SMAD2: variants seen among roughly 807,000 people sequenced by gnomAD.
SMAD2 encodes SMAD family member 2.
A neutral mutation model predicts 64.4 loss-of-function variants in SMAD2; 8 were observed. The ratio of observed to expected loss-of-function variants is 0.12; its 90% CI spans 0.07 to 0.22. The LOEUF (loss-of-function observed/expected upper bound fraction) is 0.22. Among genes scored for constraint, SMAD2 ranks in the 10% least tolerant of loss-of-function variants. The pLI is 1.00. For missense variants in SMAD2, 289 were observed against 561.2 expected (o/e 0.51, Z 4.90); for synonymous variants, 203 against 195.8 (o/e 1.04, Z -0.31).
rs1915167330 is a variant in SMAD2, at chr18:47,850,396, T to TAA, written c.784+877_784+878insTT. ...TATTATATATATTATATAATATATATTATATATTATGTATAATATATATAA... is the reference window on the plus strand; with the variant it reads ...TATTATATATATTATATAATATATATAATATATATTATGTATAATATATATAA... On this transcript the variant is annotated intron_variant, in intron 7 of 10. Transcript: ENST00000262160. Among the ~76,000 whole-genome samples, 2 of 21,920 alleles carry TAA rather than the reference T, an allele frequency of 9.1e-5. 1 individual carries two copies. The highest frequency in any genetic ancestry group is 4.5e-4 in the African/African-American group (2 of 4,492). 14.4% of individuals were successfully genotyped at this position (21,920 alleles called of 152,430 possible). A position where few individuals can be genotyped will look rare whatever the true frequency, so the allele number is the denominator to read the frequency against.
chr18:47,882,642 T>G (rs895251536), intron 2 of SMAD2, among the ~76,000 whole-genome samples: 4 of 152,206 alleles, frequency 2.6e-5, no homozygotes, highest in Admixed American at 2.6e-4. Context: ...GGTTTCAGGG[T>G]TATGTGAGCC....
chr18:47,924,796 T>C (rs972451029), intron 1 of SMAD2, among the ~76,000 whole-genome samples: 5 of 152,204 alleles, frequency 3.3e-5, no homozygotes, highest in African/African-American at 9.6e-5. Context: ...AAAGACGTGA[T>C]GAGGATGGAA....
chr18:47,887,099 G>A (rs2032953679), intron 2 of SMAD2, among the ~76,000 whole-genome samples: 1 of 152,092 alleles, frequency 6.6e-6, no homozygotes, highest in South Asian at 2.1e-4. Flanking sequence ...TAGACTTAGT[G>A]AGCTCCCTTC....
At chr18:47,887,997 T>C (rs1481020246) in intron 2 of SMAD2, among the ~76,000 whole-genome samples, 1 of 152,366 alleles carries the variant, frequency 6.6e-6, no homozygotes, top group East Asian at 1.9e-4. Flanking sequence ...GTGTCTTTTC[T>C]GCATGTTCTG....
chr18:47,891,544 C>T (rs1288094279), intron 2 of SMAD2, among the ~76,000 whole-genome samples: 1 of 149,824 alleles, frequency 6.7e-6, no homozygotes, highest in African/African-American at 2.5e-5. Context: ...GGGACAGACT[C>T]TCACTATGTT....
At position 47,896,741 on chromosome 18, in the gene SMAD2, G is replaced by C. The variant is rs1170786282; in HGVS notation, c.16C>G (p.Pro6Ala). ...CTCTTCACAACTGGCGGCGTGAATGGCAAGATGGACGACATGTTCTTACCA... is the reference window on the plus strand; with the variant it reads ...CTCTTCACAACTGGCGGCGTGAATGCCAAGATGGACGACATGTTCTTACCA... MSSIL[P>A]FTPPVVKRLL... Residue 6 changes from proline (P) to alanine (A), a missense_variant, in exon 2 of 11, where the codon CCA (proline) becomes GCA (alanine). Transcript: ENST00000262160. 1.2e-6 allele frequency: 2 copies of C among 1,613,900 alleles called. No individual in the cohort carries two copies. The highest frequency in any genetic ancestry group is 4.5e-5 in the East Asian group (2 of 44,886).
chr18:47,870,887 G>A (rs918180899), intron 2 of SMAD2, among the ~76,000 whole-genome samples: 30 of 152,064 alleles, frequency 2.0e-4, no homozygotes, highest in Non-Finnish European at 4.3e-4. Flanking sequence ...TCTGCCATCA[G>A]CTTTACTAAG....
intron 5 of SMAD2, 178 bp downstream of exon 5, chr18:47,868,145 C>T (rs2031699714): frequency 3.3e-6 from 2 of 600,184 alleles, no homozygotes; most frequent in Admixed American, 2.9e-5. Flanking sequence ...CCAAACAAAA[C>T]TGTTTAATGT....
Position 47,866,316 on chromosome 18 carries a change from CAAAAAAAAA to C in SMAD2, c.656-1192_656-1184del, listed in dbSNP as rs34302955. Reference sequence around the variant, plus strand: ...GGGCAACAAGAGCAAAACACCGTCTCAAAAAAAAAAAAAAAAAAAAAAAAAGAGGAAGAG... The same window carrying C: ...GGGCAACAAGAGCAAAACACCGTCTCAAAAAAAAAAAAAAAAGAGGAAGAG... On this transcript the variant is annotated intron_variant, in intron 5 of 10. Transcript: ENST00000262160. 2.1e-4 allele frequency among the ~76,000 whole-genome samples: 9 copies of C among 42,096 alleles called. No homozygotes were observed. The East Asian group carries it at 4.0e-3, about 19-fold the overall frequency. The allele number at this position is 42,096 out of a possible 152,430, so 27.6% of individuals were successfully genotyped here. A position where few individuals can be genotyped will look rare whatever the true frequency, so the allele number is the denominator to read the frequency against.
chr18:47,856,750 G>T (rs2144336325), intron 6 of SMAD2, among the ~76,000 whole-genome samples: 1 of 149,930 alleles, frequency 6.7e-6, no homozygotes, highest in African/African-American at 2.5e-5. Flanking sequence ...TTACAGCATT[G>T]TTTTTTAATT....
At chr18:47,858,503 ACTT>A (rs922741115) in intron 6 of SMAD2, among the ~76,000 whole-genome samples, 33 of 152,206 alleles carry the variant, frequency 2.2e-4, no homozygotes, top group African/African-American at 7.7e-4. Context: ...AATATAAAAT[ACTT>A]CTTTTTATCC....
chr18:47,913,686 T>A (rs546462106), intron 1 of SMAD2, among the ~76,000 whole-genome samples: 1 of 152,360 alleles, frequency 6.6e-6, no homozygotes, highest in Admixed American at 6.5e-5. Context: ...GATAACAATG[T>A]GTTCCAGGTT....
At chr18:47,882,024 T>C (rs890338803) in intron 2 of SMAD2, among the ~76,000 whole-genome samples, 1 of 146,122 alleles carries the variant, frequency 6.8e-6, no homozygotes, top group African/African-American at 2.6e-5. Context: ...ACCACAGGAA[T>C]GTACTACCAC....
chr18:47,822,851 A>AT lies in SMAD2; in HGVS notation c.*18975dup, dbSNP rs1351742363. 2 of 151,916 alleles carry AT rather than the reference A, an allele frequency of 1.3e-5. No homozygotes were observed. The highest frequency in any genetic ancestry group is 1.3e-4 in the Admixed American group (2 of 15,230). The allele number at this position is 151,916 out of a possible 1,614,324, so 9.4% of individuals were successfully genotyped here. On this transcript the variant is annotated 3_prime_UTR_variant, in exon 11 of 11. Transcript: ENST00000262160. ...ACCACCACACCCAGCTAATTTTTGT[A>AT]TTTTTTAGTAGAGACGGTGGCCGGG... is the stretch of plus-strand genomic sequence containing the variant.
Position 47,929,053 on chromosome 18 carries a change from G to A in SMAD2, c.-54+1308C>T, listed in dbSNP as rs371311504. Among the ~76,000 whole-genome samples the A allele has an allele frequency of 3.9e-4, 59 of 152,252 alleles. 1 individual carries two copies. The highest frequency in any genetic ancestry group is 1.9e-3 in the East Asian group (10 of 5,190). Reference sequence around the variant, plus strand: ...TTTGCTAAATGACCTTCTGGCAGAGGAAATTCTTTAAATATCTTGTATGGG... The same window carrying A: ...TTTGCTAAATGACCTTCTGGCAGAGAAAATTCTTTAAATATCTTGTATGGG... On this transcript the variant is annotated intron_variant, in intron 1 of 10. Coordinates refer to ENST00000262160, the MANE Select transcript of SMAD2 (RefSeq NM_005901.6).
At chr18:47,842,457 T>A (rs1424195489) in intron 10 of SMAD2, among the ~76,000 whole-genome samples, 2 of 151,968 alleles carry the variant, frequency 1.3e-5, no homozygotes, top group Admixed American at 1.3e-4. Context: ...GGAGAGTCAC[T>A]TGAACCCAAG....
chr18:47,826,229 A>C lies in SMAD2; in HGVS notation c.*15598T>G, dbSNP rs1912750031. ...GGCCACTCTATTAAGTCCCAGCTTG[A>C]GCATTCTTCAGCTTCTCCACATTTT... is the stretch of plus-strand genomic sequence containing the variant. On this transcript the variant is annotated 3_prime_UTR_variant, in exon 11 of 11. Coordinates refer to ENST00000262160, the MANE Select transcript of SMAD2 (RefSeq NM_005901.6). 6.6e-6 allele frequency: 1 copy of C among 152,292 alleles called. No homozygotes were observed. Among genetic ancestry groups the C allele is most frequent in the African/African-American group, 2.4e-5 (1 of 41,468 alleles). The allele number at this position is 152,292 out of a possible 1,614,324, so 9.4% of individuals were successfully genotyped here.
chr18:47,909,010 C>G (rs576567639), intron 1 of SMAD2, among the ~76,000 whole-genome samples: 8 of 151,672 alleles, frequency 5.3e-5, no homozygotes, highest in African/African-American at 1.9e-4. Flanking sequence ...AGACTGAGGT[C>G]TGCAGCTGCA....
chr18:47,899,258 G>A (rs1024698514), intron 1 of SMAD2, among the ~76,000 whole-genome samples: 2 of 152,132 alleles, frequency 1.3e-5, no homozygotes, highest in Non-Finnish European at 2.9e-5. Context: ...TAAATTTGCT[G>A]TGACTATGAA....
Sources: gnomAD v4.1 joint callset for allele counts (sites outside exome capture counted in the v4.1 genomes callset) on GRCh38, gnomAD v4.1.1 for gene constraint, MANE v1.5 for transcripts, NCBI Gene and HGNC (gene_info 2026-07-23, HGNC 2026-07-21) for gene names.